Variants in GDA observed in about 807,000 individuals in gnomAD.
GDA encodes guanine deaminase, also known as cytoplasmic PSD-95 interactor.
GDA carries 18 observed loss-of-function variants against 59.6 expected under a neutral mutation model. The ratio of observed to expected loss-of-function variants is 0.30; its 90% CI spans 0.21 to 0.45. The LOEUF (loss-of-function observed/expected upper bound fraction) is 0.45, where lower values mean the gene tolerates loss of function less well. GDA is among the 20% of genes least tolerant of loss of function. The pLI is 1.00. For missense variants in GDA, 427 were observed against 552.3 expected, an observed-to-expected ratio of 0.77 and a Z score of 2.27; for synonymous variants, 201 against 201.1, an observed-to-expected ratio of 1.00 and a Z score of 0.00.
chr9:72,124,948 T>G (rs1175831701), intron 1 of GDA, among the ~76,000 whole-genome samples: 1 of 152,030 alleles, frequency 6.6e-6, no homozygotes, highest in East Asian at 1.9e-4. Context: ...GTGAGCAGGG[T>G]TTTAACCTCC....
Position 72,225,674 on chromosome 9 carries a change from TAGAGC to T in GDA, c.715-2_717del. ...AAATGAAAATATTATTTTTTTCTTGTAGAGCCATATAAGTGAAAATCGTGATGAAG... is the reference window on the plus strand; with the variant it reads ...AAATGAAAATATTATTTTTTTCTTGTCATATAAGTGAAAATCGTGATGAAG... On this transcript the variant is annotated splice_acceptor_variant and coding_sequence_variant, in exon 8 of 14. Coordinates refer to ENST00000358399, the MANE Select transcript of GDA (RefSeq NM_004293.5). LOFTEE classifies it high-confidence loss of function. 7.4e-7 allele frequency: 1 copy of T among 1,345,598 alleles called. No homozygotes were observed. The highest frequency in any genetic ancestry group is 2.0e-5 in the Admixed American group (1 of 48,880). 83.4% of individuals were successfully genotyped at this position (1,345,598 alleles called of 1,614,324 possible). A position where few individuals can be genotyped will look rare whatever the true frequency, so the allele number is the denominator to read the frequency against.
intron 1 of GDA, among the ~76,000 whole-genome samples, chr9:72,165,806 G>T (rs888083643): frequency 2.6e-5 from 4 of 151,682 alleles, no homozygotes; most frequent in Non-Finnish European, 1.5e-5. Flanking sequence ...GCTGAGGGGG[G>T]AGAACTGCTC....
chr9:72,231,077 A>G (rs1305850258), intron 9 of GDA, 37 bp from the exon 10 acceptor site: 3 of 1,199,576 alleles, frequency 2.5e-6, no homozygotes, highest in African/African-American at 1.5e-5. Flanking sequence ...TTGGAACCAC[A>G]TGGATCTCCT....
intron 1 of GDA, among the ~76,000 whole-genome samples, chr9:72,140,633 T>C (rs1225388765): frequency 1.3e-5 from 2 of 152,178 alleles, no homozygotes; most frequent in Non-Finnish European, 2.9e-5. Context: ...ATAAAATTGA[T>C]GTTGTCATAT....
intron 1 of GDA, among the ~76,000 whole-genome samples, chr9:72,149,996 C>T (rs1303062752): frequency 1.3e-5 from 2 of 152,134 alleles, no homozygotes; most frequent in Admixed American, 6.5e-5. Context: ...CGTTCCAATC[C>T]TAAGATACCG....
intron 1 of GDA, among the ~76,000 whole-genome samples, chr9:72,118,687 A>T (rs1185242314): frequency 6.6e-6 from 1 of 152,208 alleles, no homozygotes; most frequent in Non-Finnish European, 1.5e-5. Flanking sequence ...AATGCAAATT[A>T]CCCTGAGAAA....
In GDA at chr9:72,249,079, A is replaced by G; in HGVS notation, c.*737A>G. 4.1e-6 allele frequency: 4 copies of G among 980,320 alleles called. No homozygotes were observed. The highest frequency in any genetic ancestry group is 4.8e-6 in the Non-Finnish European group (4 of 824,882). 60.7% of individuals were successfully genotyped at this position (980,320 alleles called of 1,614,324 possible). On this transcript the variant is annotated 3_prime_UTR_variant, in exon 14 of 14. Transcript: ENST00000358399. ...AGATTTAAAGTCTCTTAGGAATATT[A>G]TTCATGTAACTCCATGGCATAAATA...
intron 1 of GDA, among the ~76,000 whole-genome samples, chr9:72,138,057 T>C (rs1300921917): frequency 6.6e-6 from 1 of 152,142 alleles, no homozygotes; most frequent in Non-Finnish European, 1.5e-5. Context: ...GGGAGAGTTG[T>C]GTATCTGTTC....
chr9:72,247,337 A>G (rs1840257196), intron 12 of GDA, 69 bp from the exon 13 acceptor site: 1 of 906,542 alleles, frequency 1.1e-6, no homozygotes, highest in Admixed American at 1.7e-5. Context: ...GTCAACCACT[A>G]TCAGCTGTGA....
intron 5 of GDA, among the ~76,000 whole-genome samples, chr9:72,216,919 C>A (rs1365618344): frequency 6.6e-6 from 1 of 152,160 alleles, no homozygotes; most frequent in African/African-American, 2.4e-5. Flanking sequence ...TCGTGATCCA[C>A]CCACCTCAGC....
intron 1 of GDA, among the ~76,000 whole-genome samples, chr9:72,189,166 CTTTTTT>C (rs71493640): frequency 3.6e-5 from 2 of 54,940 alleles, no homozygotes; most frequent in African/African-American, 1.1e-4. Context: ...AGACTCTAGA[CTTTTTT>C]TTTTTTTTTT....
At chr9:72,213,468 T>C (rs1021944207) in intron 4 of GDA, among the ~76,000 whole-genome samples, 4 of 152,098 alleles carry the variant, frequency 2.6e-5, no homozygotes, top group African/African-American at 7.2e-5. Flanking sequence ...ATGTTTTCCA[T>C]ATATGATTTT....
intron 8 of GDA, among the ~76,000 whole-genome samples, chr9:72,226,012 TGTGC>T (rs970523210): frequency 2.8e-5 from 4 of 145,148 alleles, no homozygotes; most frequent in South Asian, 2.1e-4. Context: ...TGTGTGTGTG[TGTGC>T]GTGTGTGTGT....
At position 72,226,539 on chromosome 9, in the gene GDA, T is replaced by G. The variant is rs1205769574; in HGVS notation, c.822+755T>G. Among the ~76,000 whole-genome samples, 4 of 152,312 alleles carry G rather than the reference T, an allele frequency of 2.6e-5. No homozygotes were observed. In the South Asian group the frequency reaches 8.3e-4, roughly 32 times the overall value. On this transcript the variant is annotated intron_variant, in intron 8 of 13. Coordinates refer to ENST00000358399, the MANE Select transcript of GDA (RefSeq NM_004293.5). The stretch of plus-strand genomic sequence containing the variant: ...TACTCCTATAATTAAAATTAATATG[T>G]GTGAAGAGACCTCATTACAATAATG...
intron 1 of GDA, among the ~76,000 whole-genome samples, chr9:72,130,963 C>A (rs550461123): frequency 6.6e-6 from 1 of 152,124 alleles, no homozygotes; most frequent in South Asian, 2.1e-4. Flanking sequence ...GGGATGTATA[C>A]CCATGGAAGA....
At chr9:72,224,809 CTT>C (rs34656645) in intron 7 of GDA, among the ~76,000 whole-genome samples, 60,476 of 135,666 alleles carry the variant, frequency 0.45, 12,645 homozygotes, top group Middle Eastern at 0.53. Flanking sequence ...TAGCCCAACC[CTT>C]TTTTTTTTTT....
Position 72,247,689 on chromosome 9 carries a change from G to C in GDA, c.1294+256G>C, listed in dbSNP as rs114342438. 4.2e-3 allele frequency among the ~76,000 whole-genome samples: 633 copies of C among 152,294 alleles called. 4 individuals carry two copies. Among genetic ancestry groups the C allele is most frequent in the African/African-American group, 0.015 (604 of 41,568 alleles). The stretch of plus-strand genomic sequence containing the variant: ...AGGAATGGAAGGCCAAAGGTGAAGA[G>C]ATCTTCATGTTCAACCCTCTTGTAC... On this transcript the variant is annotated intron_variant, in intron 13 of 13. Coordinates refer to ENST00000358399, the MANE Select transcript of GDA (RefSeq NM_004293.5).
chr9:72,227,009 T>C (rs1837686840), intron 8 of GDA, among the ~76,000 whole-genome samples: 1 of 152,054 alleles, frequency 6.6e-6, no homozygotes, highest in Non-Finnish European at 1.5e-5. Context: ...TCCCAGCTAC[T>C]CGGGAAGCTG....
At chr9:72,116,638 G>A (rs1206172835) in intron 1 of GDA, among the ~76,000 whole-genome samples, 2 of 151,992 alleles carry the variant, frequency 1.3e-5, no homozygotes, top group African/African-American at 4.8e-5. Context: ...ACCTGCCTCG[G>A]CCTCCCAAAG....
Sources: gnomAD v4.1 joint callset for allele counts (sites outside exome capture counted in the v4.1 genomes callset) on GRCh38, gnomAD v4.1.1 for gene constraint, MANE v1.5 for transcripts, NCBI Gene and HGNC (gene_info 2026-07-23, HGNC 2026-07-21) for gene names.